PLSCR4: variants seen among roughly 807,000 people sequenced by gnomAD.
PLSCR4 encodes the protein Ca(2+)-dependent phospholipid scramblase 4.
Under a neutral mutation model 36.3 loss-of-function variants are expected in PLSCR4, and 25 were observed. The observed-to-expected ratio is 0.69, with a 90% CI of 0.50 to 0.96. The LOEUF (loss-of-function observed/expected upper bound fraction) is 0.96. Among genes scored for constraint, PLSCR4 ranks in the 40% least tolerant of loss-of-function variants. The pLI is 0.00. For missense variants in PLSCR4, 408 were observed against 414.7 expected (o/e 0.98, Z 0.14); for synonymous variants, 122 against 132.9 (o/e 0.92, Z 0.56).
At chr3:146,244,482 CTT>C (rs889355800) in intron 1 of PLSCR4, among the ~76,000 whole-genome samples, 4 of 152,198 alleles carry the variant, frequency 2.6e-5, no homozygotes, top group Admixed American at 6.5e-5. Context: ...CAGTTTGTCT[CTT>C]TGTCAAATTT....
At chr3:146,207,120 T>G (rs1182371365) in intron 3 of PLSCR4, among the ~76,000 whole-genome samples, 1 of 152,150 alleles carries the variant, frequency 6.6e-6, no homozygotes, top group Non-Finnish European at 1.5e-5. Flanking sequence ...ATTACTAACG[T>G]ATTAATTACT....
At chr3:146,221,160 G>A (rs2035124651) in intron 2 of PLSCR4, among the ~76,000 whole-genome samples, 1 of 152,138 alleles carries the variant, frequency 6.6e-6, no homozygotes. Flanking sequence ...TTATGCTTGT[G>A]ATCAAAGCAA....
intron 6 of PLSCR4, 31 bp from the exon 7 acceptor site, chr3:146,196,824 T>C (rs749412368): frequency 7.5e-6 from 12 of 1,604,546 alleles, no homozygotes; most frequent in Non-Finnish European, 1.0e-5. Context: ...GAAGTTAGGA[T>C]GCTACATGCA....
chr3:146,229,199 T>C (rs537934263), intron 1 of PLSCR4, among the ~76,000 whole-genome samples: 1 of 152,226 alleles, frequency 6.6e-6, no homozygotes, highest in Non-Finnish European at 1.5e-5. Flanking sequence ...GTTTCTGTTT[T>C]CCTTGGTGGG....
chr3:146,216,342 T>G (rs534980971), intron 3 of PLSCR4, among the ~76,000 whole-genome samples: 1 of 152,214 alleles, frequency 6.6e-6, no homozygotes, highest in Admixed American at 6.5e-5. Flanking sequence ...AAGGTGGAGA[T>G]TATGGTCTCT....
intron 2 of PLSCR4, among the ~76,000 whole-genome samples, 157 bp from the exon 3 acceptor site, chr3:146,221,082 A>C (rs2035118828): frequency 6.6e-6 from 1 of 152,236 alleles, no homozygotes; most frequent in African/African-American, 2.4e-5. Context: ...CATATATTAG[A>C]CACTATTAAT....
intron 1 of PLSCR4, among the ~76,000 whole-genome samples, chr3:146,226,371 A>C (rs374964272): frequency 1.3e-5 from 2 of 152,296 alleles, no homozygotes; most frequent in Admixed American, 6.5e-5. Context: ...ATTATATGTT[A>C]AGTTCTTGGG....
chr3:146,228,542 T>TAGG (rs954647424), intron 1 of PLSCR4, among the ~76,000 whole-genome samples: 2 of 152,112 alleles, frequency 1.3e-5, no homozygotes, highest in Non-Finnish European at 2.9e-5. Context: ...ACAAATGAGC[T>TAGG]AGGGTACACC....
intron 3 of PLSCR4, 87 bp downstream of exon 3, chr3:146,220,728 C>T: frequency 1.3e-6 from 1 of 779,680 alleles, no homozygotes; most frequent in Non-Finnish European, 2.2e-6. Flanking sequence ...TTAAATCAGT[C>T]AATTAATTTG....
chr3:146,198,405 G>A (rs2033864095), intron 6 of PLSCR4, among the ~76,000 whole-genome samples: 1 of 151,960 alleles, frequency 6.6e-6, no homozygotes, highest in Non-Finnish European at 1.5e-5. Context: ...GACTAGGCTT[G>A]TAATTTTTTT....
rs986815653 is a variant in PLSCR4, at chr3:146,206,967, C to T, written c.119-206G>A. ...TTTACATATTAATTCATTTAATCCT[C>T]TTAAAGCTTATAAGATAATTATTCC... On this transcript the variant is annotated intron_variant, in intron 3 of 8. Transcript: ENST00000354952. Among the ~76,000 whole-genome samples the T allele has an allele frequency of 2.0e-5, 3 of 152,140 alleles. No individual in the cohort carries two copies. In the East Asian group the frequency reaches 5.8e-4, roughly 29 times the overall value.
At chr3:146,241,865 G>A (rs1190289654) in intron 1 of PLSCR4, among the ~76,000 whole-genome samples, 1 of 152,152 alleles carries the variant, frequency 6.6e-6, no homozygotes, top group Non-Finnish European at 1.5e-5. Flanking sequence ...AAGATAACAG[G>A]AAATTCTCTA....
intron 3 of PLSCR4, among the ~76,000 whole-genome samples, chr3:146,218,739 C>T (rs1183273148): frequency 7.9e-5 from 12 of 152,224 alleles, no homozygotes; most frequent in African/African-American, 2.4e-5. Flanking sequence ...CTCAGACTTA[C>T]GTAAATAAAG....
chr3:146,248,489 G>GAC (rs146267394), intron 1 of PLSCR4, among the ~76,000 whole-genome samples: 5,396 of 149,446 alleles, frequency 0.036, 185 homozygotes, highest in African/African-American at 0.09. Context: ...CACACACACA[G>GAC]ACACACACAC....
intron 1 of PLSCR4, among the ~76,000 whole-genome samples, chr3:146,237,265 T>C (rs1191368317): frequency 6.6e-6 from 1 of 152,136 alleles, no homozygotes; most frequent in Non-Finnish European, 1.5e-5. Context: ...AAAATTAATC[T>C]ATCAGGAAGA....
At chr3:146,222,199 C>A (rs2108294832) in intron 1 of PLSCR4, 107 bp from the exon 2 acceptor site, 1 of 414,356 alleles carries the variant, frequency 2.4e-6, no homozygotes, top group East Asian at 3.9e-5. Context: ...CCTCCAGTTA[C>A]CTTACATTTG....
chr3:146,238,208 A>G (rs1287924284), intron 1 of PLSCR4, among the ~76,000 whole-genome samples: 1 of 151,860 alleles, frequency 6.6e-6, no homozygotes, highest in Non-Finnish European at 1.5e-5. Flanking sequence ...TTCCCACAAA[A>G]AAAAAAACCC....
intron 1 of PLSCR4, chr3:146,223,765 A>G (rs2035288023): frequency 1.3e-5 from 2 of 151,254 alleles, no homozygotes; most frequent in Admixed American, 1.3e-4. Context: ...ACGGTGCCCT[A>G]TGTGTCTCCA....
rs2036533111 is a variant in PLSCR4, at chr3:146,251,077, T to C, written c.-139A>G. ...GGGAGACGGAGAGGATTTTTCAAGT[T>C]ATAAACAAAGTAAGCGCGCGGAAGG... On this transcript the variant is annotated 5_prime_UTR_variant, in exon 1 of 9. It adds an upstream start codon to the 5' untranslated region. Coordinates refer to ENST00000354952, the MANE Select transcript of PLSCR4 (RefSeq NM_020353.3). 6.6e-6 allele frequency: 1 copy of C among 152,308 alleles called. No homozygotes were observed. Among genetic ancestry groups the C allele is most frequent in the African/African-American group, 2.4e-5 (1 of 41,394 alleles). The allele number at this position is 152,308 out of a possible 1,614,324, so 9.4% of individuals were successfully genotyped here. A position where few individuals can be genotyped will look rare whatever the true frequency, so the allele number is the denominator to read the frequency against.
Sources: gnomAD v4.1 joint callset for allele counts (sites outside exome capture counted in the v4.1 genomes callset) on GRCh38, gnomAD v4.1.1 for gene constraint, MANE v1.5 for transcripts, NCBI Gene and HGNC (gene_info 2026-07-23, HGNC 2026-07-21) for gene names.